VPS13B: variants seen among roughly 807,000 people sequenced by gnomAD.
VPS13B encodes the protein vacuolar protein sorting 13 homolog B, also known as intermembrane lipid transfer protein VPS13B.
Under a neutral mutation model 426.4 loss-of-function variants are expected in VPS13B, and 285 were observed. The ratio of observed to expected loss-of-function variants is 0.67; its 90% CI spans 0.61 to 0.74. The LOEUF (loss-of-function observed/expected upper bound fraction) is 0.74. Ranked by LOEUF, VPS13B falls within the 30% of genes least tolerant of loss-of-function variation. The pLI is 0.00. For missense variants in VPS13B, 4,537 were observed against 4,782.6 expected (o/e 0.95, Z 1.51); for synonymous variants, 1,676 against 1,676.4 (o/e 1.00, Z 0.01).
chr8:99,802,781 G>A (rs1813192228), intron 43 of VPS13B, among the ~76,000 whole-genome samples: 1 of 152,108 alleles, frequency 6.6e-6, no homozygotes, highest in Non-Finnish European at 1.5e-5. Context: ...CTGTTTTTCA[G>A]TCATTTGAAA....
At chr8:99,711,312 C>A (rs1832700518) in intron 36 of VPS13B, among the ~76,000 whole-genome samples, 2 of 151,924 alleles carry the variant, frequency 1.3e-5, no homozygotes, top group African/African-American at 4.8e-5. Context: ...AGGTATATGG[C>A]AAGAAAGAAA....
chr8:99,142,084 T>C (rs1488079903), intron 12 of VPS13B, among the ~76,000 whole-genome samples: 1 of 151,980 alleles, frequency 6.6e-6, no homozygotes, highest in African/African-American at 2.4e-5. Context: ...AATCAATTAA[T>C]CTAATTCATT....
chr8:99,500,378 AG>A (rs1821162791), intron 25 of VPS13B, among the ~76,000 whole-genome samples: 1 of 152,176 alleles, frequency 6.6e-6, no homozygotes, highest in African/African-American at 2.4e-5. Context: ...AAATTTCTTA[AG>A]CATTAGTTCA....
At chr8:99,339,348 G>A (rs1811110677) in intron 19 of VPS13B, among the ~76,000 whole-genome samples, 1 of 152,010 alleles carries the variant, frequency 6.6e-6, no homozygotes, top group African/African-American at 2.4e-5. Flanking sequence ...GGAGGCCTCA[G>A]GAAGCTTAAA....
At chr8:99,558,583 C>T (rs1824716862) in intron 31 of VPS13B, among the ~76,000 whole-genome samples, 1 of 152,070 alleles carries the variant, frequency 6.6e-6, no homozygotes. Context: ...CAACAGGCCC[C>T]AGTATGTGAT....
At position 99,510,571 on chromosome 8, in the gene VPS13B, C is replaced by T. The variant is rs755247132; in HGVS notation, c.4225-533C>T. Among the ~76,000 whole-genome samples, 2 of 152,276 alleles carry T rather than the reference C, an allele frequency of 1.3e-5. 1 individual carries two copies. Among genetic ancestry groups the T allele is most frequent in the South Asian group, 4.1e-4 (2 of 4,820 alleles). ...AGGTTGGAGAGCCGTGGCTCAATCT[C>T]GGCTCACTGCAGCCTCTGCCTCCCG... is the stretch of plus-strand genomic sequence containing the variant. On this transcript the variant is annotated intron_variant, in intron 28 of 61. Coordinates refer to ENST00000357162, the MANE Select transcript of VPS13B (RefSeq NM_152564.5).
intron 30 of VPS13B, among the ~76,000 whole-genome samples, chr8:99,521,917 A>G (rs1206158713): frequency 6.6e-6 from 1 of 152,000 alleles, no homozygotes; most frequent in Non-Finnish European, 1.5e-5. Flanking sequence ...TCTTCCTTTG[A>G]CTTATGTATG....
chr8:99,258,272 G>GT (rs1403731474), intron 17 of VPS13B, among the ~76,000 whole-genome samples: 1 of 147,454 alleles, frequency 6.8e-6, no homozygotes, highest in Non-Finnish European at 1.5e-5. Context: ...CAGGCATTTT[G>GT]TTTTTTTTCT....
chr8:99,109,897 C>T (rs1227807983), intron 5 of VPS13B, among the ~76,000 whole-genome samples: 1 of 151,956 alleles, frequency 6.6e-6, no homozygotes, highest in African/African-American at 2.4e-5. Flanking sequence ...ATAGCAAATA[C>T]TCAGAAAATG....
At chr8:99,271,256 A>ATTT (rs1467341776) in intron 17 of VPS13B, among the ~76,000 whole-genome samples, 3 of 151,632 alleles carry the variant, frequency 2.0e-5, no homozygotes, top group Non-Finnish European at 4.4e-5. Context: ...TACGATGATG[A>ATTT]TTGTATTAGC....
chr8:99,829,472 G>C (rs532375460), intron 51 of VPS13B, among the ~76,000 whole-genome samples: 1 of 152,222 alleles, frequency 6.6e-6, no homozygotes, highest in Non-Finnish European at 1.5e-5. Flanking sequence ...TCTCTACACT[G>C]GTTATCCTAG....
intron 21 of VPS13B, among the ~76,000 whole-genome samples, chr8:99,409,392 G>A (rs1005262520): frequency 6.6e-6 from 1 of 152,088 alleles, no homozygotes; most frequent in African/African-American, 2.4e-5. Flanking sequence ...TAGGTGGCAA[G>A]GCTGTGAGTA....
chr8:99,051,281 T>C lies in VPS13B; in HGVS notation c.291+12715T>C, dbSNP rs1037745399. Among the ~76,000 whole-genome samples the C allele has an allele frequency of 2.0e-5, 3 of 152,340 alleles. No individual in the cohort carries two copies. The East Asian group carries it at 5.8e-4, about 29-fold the overall frequency. ...AGTTTTCCCAGCACCATTTATTAAA[T>C]AGGGAATCGTTTCCCCATTTCTGGT... On this transcript the variant is annotated intron_variant, in intron 3 of 61. Coordinates refer to ENST00000357162, the MANE Select transcript of VPS13B (RefSeq NM_152564.5).
At chr8:99,600,137 A>G (rs1175339218) in intron 33 of VPS13B, among the ~76,000 whole-genome samples, 1 of 152,088 alleles carries the variant, frequency 6.6e-6, no homozygotes. Context: ...ACACCATAAC[A>G]CCAGCTAACA....
chr8:99,867,825 T>G (rs1488015732), intron 58 of VPS13B, among the ~76,000 whole-genome samples: 1 of 152,198 alleles, frequency 6.6e-6, no homozygotes, highest in Non-Finnish European at 1.5e-5. Context: ...ACTACTAAAT[T>G]ATGACTGTTA....
chr8:99,593,157 C>A (rs1006257531), intron 33 of VPS13B, among the ~76,000 whole-genome samples: 1 of 152,010 alleles, frequency 6.6e-6, no homozygotes, highest in Non-Finnish European at 1.5e-5. Flanking sequence ...ATTTTGCAAA[C>A]TAACCATCTG....
At chr8:99,705,638 G>C (rs1453195589) in intron 36 of VPS13B, among the ~76,000 whole-genome samples, 1 of 152,084 alleles carries the variant, frequency 6.6e-6, no homozygotes, top group Non-Finnish European at 1.5e-5. Flanking sequence ...ACCAAATTAT[G>C]TAAATACAGT....
At chr8:99,070,059 C>T (rs1844775861) in intron 3 of VPS13B, among the ~76,000 whole-genome samples, 1 of 152,156 alleles carries the variant, frequency 6.6e-6, no homozygotes, top group African/African-American at 2.4e-5. Context: ...CATGCACCAC[C>T]ATGCCCAGCT....
chr8:99,029,351 C>T (rs1281290198), intron 2 of VPS13B, among the ~76,000 whole-genome samples: 2 of 151,718 alleles, frequency 1.3e-5, no homozygotes, highest in Non-Finnish European at 2.9e-5. Flanking sequence ...CAGGCAGAGA[C>T]GCTCCTCACT....
Sources: allele counts gnomAD v4.1 joint callset (sites outside exome capture counted in the v4.1 genomes callset), GRCh38; gene constraint gnomAD v4.1.1; transcripts MANE v1.5; gene names NCBI Gene and HGNC (gene_info 2026-07-23, HGNC 2026-07-21).